KCNQ1OT1: variants seen among roughly 807,000 people sequenced by gnomAD.
KCNQ1OT1 encodes KCNQ1 opposite strand/antisense transcript 1.
In KCNQ1OT1 at chr11:2,690,566, G is replaced by T. The variant is rs552783901; in HGVS notation, n.9429C>A. The T allele has an allele frequency of 7.5e-6, 3 of 398,716 alleles. No individual in the cohort carries two copies. The Admixed American group carries it at 1.3e-4, about 18-fold the overall frequency. 24.7% of individuals were successfully genotyped at this position (398,716 alleles called of 1,614,324 possible). A position where few individuals can be genotyped will look rare whatever the true frequency, so the allele number is the denominator to read the frequency against. On this transcript the variant is annotated non_coding_transcript_exon_variant, in exon 1 of 1. Transcript: ENST00000597346. This position sits in a 1 kb window ranked among gnomAD's most constrained non-coding sequence, Gnocchi z 5.1. Reference sequence around the variant, plus strand: ...GAAGGACAAGAAGTAACATGTCAAAGATGGGACAGAACCCACCTCCTGGCA... The same window carrying T: ...GAAGGACAAGAAGTAACATGTCAAATATGGGACAGAACCCACCTCCTGGCA...
At chr11:2,696,621 G>A (rs1012052886) in exon 1 of KCNQ1OT1, 3 of 398,646 alleles carry the variant, frequency 7.5e-6, no homozygotes, top group African/African-American at 2.1e-5. Context: ...TTTGAGTGGA[G>A]TCCTGTTGAA....
exon 1 of KCNQ1OT1, chr11:2,615,890 C>T: frequency 2.5e-6 from 1 of 397,974 alleles, no homozygotes; most frequent in Non-Finnish European, 4.4e-6. Context: ...GAATGTATTG[C>T]AAAGTTTTTT....
chr11:2,676,537 G>T lies in KCNQ1OT1; in HGVS notation n.23458C>A. ...ACTTGGCAAAAGGCATAGAGGTAGT[G>T]GTACAGGAAAGGTCTAAGAAGGCTA... On this transcript the variant is annotated non_coding_transcript_exon_variant, in exon 1 of 1. Coordinates refer to ENST00000597346, the Ensembl canonical transcript of KCNQ1OT1. This position sits in a 1 kb window ranked among gnomAD's most constrained non-coding sequence, Gnocchi z 4.2. The T allele has an allele frequency of 2.5e-6, 1 of 398,624 alleles. No individual in the cohort carries two copies. The highest frequency in any genetic ancestry group is 1.3e-4 in the South Asian group (1 of 7,854). The allele number at this position is 398,624 out of a possible 1,614,324, so 24.7% of individuals were successfully genotyped here. A position where few individuals can be genotyped will look rare whatever the true frequency, so the allele number is the denominator to read the frequency against.
In KCNQ1OT1 at chr11:2,670,644, G is replaced by T; in HGVS notation, n.29351C>A. 2.5e-6 allele frequency: 1 copy of T among 398,634 alleles called. No individual in the cohort carries two copies. Among genetic ancestry groups the T allele is most frequent in the Admixed American group, 4.4e-5 (1 of 22,730 alleles). The allele number at this position is 398,634 out of a possible 1,614,324, so 24.7% of individuals were successfully genotyped here. A position where few individuals can be genotyped will look rare whatever the true frequency, so the allele number is the denominator to read the frequency against. On this transcript the variant is annotated non_coding_transcript_exon_variant, in exon 1 of 1. Transcript: ENST00000597346. The surrounding 1 kb of genome is among the most constrained non-coding windows in gnomAD (Gnocchi z 4.9). ...CCTGGATATGCATGGCAGAGGCCAG[G>T]ATGAACCCTGAAGATTGGTAGGAAG... is the stretch of plus-strand genomic sequence containing the variant.
chr11:2,651,340 TGA>T lies in KCNQ1OT1; in HGVS notation n.48653_48654del. ...CACTCCTCAGAGTTCTACAAGCGGC[TGA>T]GAGAGCTGGGGTATTTATCTTTCAC... On this transcript the variant is annotated non_coding_transcript_exon_variant, in exon 1 of 1. Coordinates refer to ENST00000597346, the Ensembl canonical transcript of KCNQ1OT1. This position sits in a 1 kb window ranked among gnomAD's most constrained non-coding sequence, Gnocchi z 6.1. The T allele has an allele frequency of 2.5e-6, 1 of 398,730 alleles. No homozygotes were observed. The highest frequency in any genetic ancestry group is 1.3e-4 in the South Asian group (1 of 7,856). The allele number at this position is 398,730 out of a possible 1,614,324, so 24.7% of individuals were successfully genotyped here.
At chr11:2,656,073 G>A (rs752664355) in exon 1 of KCNQ1OT1, 2 of 398,508 alleles carry the variant, frequency 5.0e-6, no homozygotes, top group Non-Finnish European at 8.8e-6. Flanking sequence ...CTTTGGAGAT[G>A]GGCACTTGTC....
rs79828403 is a variant in KCNQ1OT1, at chr11:2,690,432, G to C, written n.9563C>G. On this transcript the variant is annotated non_coding_transcript_exon_variant, in exon 1 of 1. Coordinates refer to ENST00000597346, the Ensembl canonical transcript of KCNQ1OT1. The surrounding 1 kb of genome is among the most constrained non-coding windows in gnomAD (Gnocchi z 5.1). ...CCTGCGAAAGGCTGGGGTCCTGGGA[G>C]CTAGAGCTGGGTTAAGATAAGAGCA... is the stretch of plus-strand genomic sequence containing the variant. The C allele has an allele frequency of 7.7e-3, 3,085 of 398,630 alleles. 69 individuals are homozygous for C. Among genetic ancestry groups the C allele is most frequent in the African/African-American group, 0.057 (2,792 of 48,728 alleles). The allele number at this position is 398,630 out of a possible 1,614,324, so 24.7% of individuals were successfully genotyped here. A position where few individuals can be genotyped will look rare whatever the true frequency, so the allele number is the denominator to read the frequency against.
At chr11:2,628,632 T>G (rs779704806) in exon 1 of KCNQ1OT1, 3 of 398,322 alleles carry the variant, frequency 7.5e-6, no homozygotes, top group Non-Finnish European at 1.3e-5. Flanking sequence ...GCAGACACTT[T>G]TTTGTTTGAT....
At position 2,611,721 on chromosome 11, in the gene KCNQ1OT1, TATGG is replaced by T; in HGVS notation, n.88270_88273del. The T allele has an allele frequency of 5.0e-6, 2 of 398,568 alleles. No homozygotes were observed. Among genetic ancestry groups the T allele is most frequent in the Non-Finnish European group, 8.8e-6 (2 of 226,032 alleles). 24.7% of individuals were successfully genotyped at this position (398,568 alleles called of 1,614,324 possible). On this transcript the variant is annotated non_coding_transcript_exon_variant, in exon 1 of 1. Coordinates refer to ENST00000597346, the Ensembl canonical transcript of KCNQ1OT1. This position sits in a 1 kb window ranked among gnomAD's most constrained non-coding sequence, Gnocchi z 5.3. ...CACTTATATGTAATATAATTATTGA[TATGG>T]AAGGATTTATATCTACCATGTTGTT...
rs1850121740 is a variant in KCNQ1OT1 at position 2,668,369 on chromosome 11, T to G, written n.31626A>C. ...TGGGTGGGCATATGTTTACTCTTAG[T>G]GAATACTACCCAGCAGTCTACCAAA... On this transcript the variant is annotated non_coding_transcript_exon_variant, in exon 1 of 1. Transcript: ENST00000597346. This position sits in a 1 kb window ranked among gnomAD's most constrained non-coding sequence, Gnocchi z 4.3. 2 of 398,530 alleles carry G rather than the reference T, an allele frequency of 5.0e-6. No individual in the cohort carries two copies. Among genetic ancestry groups the G allele is most frequent in the Non-Finnish European group, 8.8e-6 (2 of 226,080 alleles). The allele number at this position is 398,530 out of a possible 1,614,324, so 24.7% of individuals were successfully genotyped here.
exon 1 of KCNQ1OT1, chr11:2,637,328 A>C (rs949389682): frequency 6.6e-6 from 1 of 152,162 alleles, no homozygotes; most frequent in Non-Finnish European, 1.5e-5. Context: ...TAGTGCTATA[A>C]ATTTCCCTCT....
rs1025798540 is a variant in KCNQ1OT1, at chr11:2,645,062, G to A, written n.54933C>T. On this transcript the variant is annotated non_coding_transcript_exon_variant, in exon 1 of 1. Coordinates refer to ENST00000597346, the Ensembl canonical transcript of KCNQ1OT1. The surrounding 1 kb of genome is among the most constrained non-coding windows in gnomAD (Gnocchi z 5.8). Reference sequence around the variant, plus strand: ...ACTTGCTCAGGTGCCAATGATGACAGAGCTGGGCCACAGGGTGGGTAGGTC... The same window carrying A: ...ACTTGCTCAGGTGCCAATGATGACAAAGCTGGGCCACAGGGTGGGTAGGTC... 1 of 398,686 alleles carries A rather than the reference G, an allele frequency of 2.5e-6. No individual in the cohort carries two copies. Among genetic ancestry groups the A allele is most frequent in the African/African-American group, 2.1e-5 (1 of 48,646 alleles). 24.7% of individuals were successfully genotyped at this position (398,686 alleles called of 1,614,324 possible). A position where few individuals can be genotyped will look rare whatever the true frequency, so the allele number is the denominator to read the frequency against.
In KCNQ1OT1 at chr11:2,617,598, C is replaced by G; in HGVS notation, n.82397G>C. 1 of 398,378 alleles carries G rather than the reference C, an allele frequency of 2.5e-6. No individual in the cohort carries two copies. 24.7% of individuals were successfully genotyped at this position (398,378 alleles called of 1,614,324 possible). On this transcript the variant is annotated non_coding_transcript_exon_variant, in exon 1 of 1. Transcript: ENST00000597346. This position sits in a 1 kb window ranked among gnomAD's most constrained non-coding sequence, Gnocchi z 4.6. The stretch of plus-strand genomic sequence containing the variant: ...ATACCTAGAAGAGGGATTAGTGGGT[C>G]AGATGATAGTATATTTTCAATTTCT...
rs888080130 is a variant in KCNQ1OT1, at chr11:2,679,257, C to T, written n.20738G>A. 15 of 398,514 alleles carry T rather than the reference C, an allele frequency of 3.8e-5. No homozygotes were observed. The highest frequency in any genetic ancestry group is 2.9e-4 in the African/African-American group (14 of 48,632). The allele number at this position is 398,514 out of a possible 1,614,324, so 24.7% of individuals were successfully genotyped here. A position where few individuals can be genotyped will look rare whatever the true frequency, so the allele number is the denominator to read the frequency against. ...CTACAGCTGCCTGTCCCACCCTTGG[C>T]TGTGCTCTCCTTTACTAATCCATAG... On this transcript the variant is annotated non_coding_transcript_exon_variant, in exon 1 of 1. Coordinates refer to ENST00000597346, the Ensembl canonical transcript of KCNQ1OT1. The surrounding 1 kb of genome is among the most constrained non-coding windows in gnomAD (Gnocchi z 4.8).
chr11:2,657,442 A>C lies in KCNQ1OT1; in HGVS notation n.42553T>G, dbSNP rs377708628. The C allele has an allele frequency of 1.6e-4, 65 of 398,528 alleles. No individual in the cohort carries two copies. The South Asian group carries it at 7.8e-3, about 48-fold the overall frequency. 24.7% of individuals were successfully genotyped at this position (398,528 alleles called of 1,614,324 possible). A position where few individuals can be genotyped will look rare whatever the true frequency, so the allele number is the denominator to read the frequency against. On this transcript the variant is annotated non_coding_transcript_exon_variant, in exon 1 of 1. Transcript: ENST00000597346. The surrounding 1 kb of genome is among the most constrained non-coding windows in gnomAD (Gnocchi z 4.8). ...GCATATACTTAGTTAGATAATTAAT[A>C]TTCTTTTGTGCTATTGTATACAGGT... is the stretch of plus-strand genomic sequence containing the variant.
rs1849255646 is a variant in KCNQ1OT1, at chr11:2,626,011, A to G, written n.73984T>C. 5.0e-6 allele frequency: 2 copies of G among 398,486 alleles called. No individual in the cohort carries two copies. The highest frequency in any genetic ancestry group is 8.8e-5 in the Admixed American group (2 of 22,710). The allele number at this position is 398,486 out of a possible 1,614,324, so 24.7% of individuals were successfully genotyped here. A position where few individuals can be genotyped will look rare whatever the true frequency, so the allele number is the denominator to read the frequency against. ...TAGGTTGTCTTATTGCTTAGTTGAT[A>G]TTATTTTAATGCACACAATGTAAAT... On this transcript the variant is annotated non_coding_transcript_exon_variant, in exon 1 of 1. Coordinates refer to ENST00000597346, the Ensembl canonical transcript of KCNQ1OT1. The surrounding 1 kb of genome is among the most constrained non-coding windows in gnomAD (Gnocchi z 4.0).
Position 2,678,527 on chromosome 11 carries a change from G to A in KCNQ1OT1, n.21468C>T, listed in dbSNP as rs955044055. 9.6e-4 allele frequency: 381 copies of A among 398,524 alleles called. 7 individuals carry two copies. In the East Asian group the frequency reaches 0.013, roughly 14 times the overall value. The allele number at this position is 398,524 out of a possible 1,614,324, so 24.7% of individuals were successfully genotyped here. A position where few individuals can be genotyped will look rare whatever the true frequency, so the allele number is the denominator to read the frequency against. ...CTAGACTCTATTCTGGACTGCTGATGGGCCTGTTGATAGGCCAGAGCTCAG... is the reference window on the plus strand; with the variant it reads ...CTAGACTCTATTCTGGACTGCTGATAGGCCTGTTGATAGGCCAGAGCTCAG... On this transcript the variant is annotated non_coding_transcript_exon_variant, in exon 1 of 1. Coordinates refer to ENST00000597346, the Ensembl canonical transcript of KCNQ1OT1. This position sits in a 1 kb window ranked among gnomAD's most constrained non-coding sequence, Gnocchi z 4.9.
Position 2,671,574 on chromosome 11 carries a change from G to C in KCNQ1OT1, n.28421C>G. On this transcript the variant is annotated non_coding_transcript_exon_variant, in exon 1 of 1. Transcript: ENST00000597346. The surrounding 1 kb of genome is among the most constrained non-coding windows in gnomAD (Gnocchi z 4.7). ...TTATCTCCTAAGTCTTTGGCACTGA[G>C]CATTTATACAAGATCAGACTGCACT... 2.5e-6 allele frequency: 1 copy of C among 398,622 alleles called. No individual in the cohort carries two copies. Among genetic ancestry groups the C allele is most frequent in the East Asian group, 3.6e-5 (1 of 28,076 alleles). The allele number at this position is 398,622 out of a possible 1,614,324, so 24.7% of individuals were successfully genotyped here. A position where few individuals can be genotyped will look rare whatever the true frequency, so the allele number is the denominator to read the frequency against.
chr11:2,627,734 TACAC>T lies in KCNQ1OT1; in HGVS notation n.72257_72260del, dbSNP rs368697384. On this transcript the variant is annotated non_coding_transcript_exon_variant, in exon 1 of 1. Transcript: ENST00000597346. The surrounding 1 kb of genome is among the most constrained non-coding windows in gnomAD (Gnocchi z 4.9). ...ATGTGTTTATTTGGGAATTTGGTGA[TACAC>T]ACACACACACTATTTTCTTCCTTTC... The T allele has an allele frequency of 3.0e-5, 12 of 397,752 alleles. No homozygotes were observed. The highest frequency in any genetic ancestry group is 1.3e-4 in the Admixed American group (3 of 22,622). The allele number at this position is 397,752 out of a possible 1,614,324, so 24.6% of individuals were successfully genotyped here.
Sources: allele counts gnomAD v4.1 joint callset, GRCh38; gene constraint gnomAD v4.1.1; non-coding constraint Gnocchi (gnomAD v3.1); transcripts MANE v1.5; gene names NCBI Gene and HGNC (gene_info 2026-07-23, HGNC 2026-07-21).